Variants in EXOC6 observed in about 807,000 individuals in gnomAD.
The protein encoded by EXOC6 is SEC15-like 1.
EXOC6 carries 60 observed loss-of-function variants against 112.5 expected under a neutral mutation model. That is an observed-to-expected ratio of 0.53 (90% confidence interval 0.43 to 0.66). The LOEUF (loss-of-function observed/expected upper bound fraction) is 0.66, where lower values mean the gene tolerates loss of function less well. Ranked by LOEUF, EXOC6 falls within the 30% of genes least tolerant of loss-of-function variation. EXOC6 has a pLI of 0.00. For missense variants in EXOC6, 855 were observed against 957.1 expected (o/e 0.89, Z 1.41); for synonymous variants, 295 against 308.0 (o/e 0.96, Z 0.44).
chr10:92,914,940 A>G (rs1321392836), intron 6 of EXOC6, among the ~76,000 whole-genome samples: 1 of 152,254 alleles, frequency 6.6e-6, no homozygotes. Flanking sequence ...AAGTTCTGAT[A>G]GGGAAGTATT....
At chr10:92,862,338 C>CA (rs1367387607) in intron 1 of EXOC6, among the ~76,000 whole-genome samples, 5 of 151,998 alleles carry the variant, frequency 3.3e-5, no homozygotes, top group Non-Finnish European at 5.9e-5. Context: ...ATGCCCCCCC[C>CA]CCATAATTCA....
chr10:92,902,190 C>A (rs7085308), intron 5 of EXOC6, among the ~76,000 whole-genome samples: 34 of 151,736 alleles, frequency 2.2e-4, no homozygotes, highest in African/African-American at 8.0e-4. Flanking sequence ...CTGATGATGT[C>A]CTTTGATGTG....
chr10:92,951,834 A>C (rs1853435648), intron 14 of EXOC6, among the ~76,000 whole-genome samples: 1 of 152,218 alleles, frequency 6.6e-6, no homozygotes, highest in South Asian at 2.1e-4. Context: ...TTGAATTGGC[A>C]TCAAGCCTTC....
Position 92,952,326 on chromosome 10 carries a change from T to G in EXOC6, c.1470T>G (p.Ile490Met), listed in dbSNP as rs761815270. 4.0e-5 allele frequency: 65 copies of G among 1,613,020 alleles called. No homozygotes were observed. The highest frequency in any genetic ancestry group is 5.3e-5 in the Non-Finnish European group (63 of 1,179,394). Reference protein sequence around the residue: ...PMSQSVPHIYIQVKEFIYASL... With the variant: ...PMSQSVPHIYMQVKEFIYASL... ...CTCAGTCAGTGCCTCATATTTACAT[T>G]CAAGTTAAAGAATTTATTTATGCCA... Residue 490 changes from isoleucine to methionine, a missense_variant, in exon 15 of 22, where the codon ATT becomes ATG. Ile to Met is a conservative substitution (Grantham distance 10). Around this residue, in one of 2 missense-constraint regions of EXOC6, gnomAD observed 450 missense variants for 563.5 expected, o/e 0.80. Transcript: ENST00000260762.
chr10:92,991,175 C>T (rs856533), intron 18 of EXOC6, among the ~76,000 whole-genome samples: 1,544 of 150,508 alleles, frequency 0.01, 32 homozygotes, highest in African/African-American at 0.036. Flanking sequence ...TGGTGCCTCA[C>T]ACCTGTAATC....
intron 20 of EXOC6, among the ~76,000 whole-genome samples, chr10:93,038,569 G>A (rs1026042691): frequency 2.0e-5 from 3 of 152,214 alleles, no homozygotes; most frequent in South Asian, 2.1e-4. Context: ...TGAATGAGAC[G>A]TATATATACA....
intron 19 of EXOC6, among the ~76,000 whole-genome samples, chr10:93,005,165 G>A (rs1021868051): frequency 1.3e-5 from 2 of 152,138 alleles, no homozygotes; most frequent in African/African-American, 4.8e-5. Flanking sequence ...AAAGTATATG[G>A]TATGAGAATA....
At chr10:92,880,779 A>G (rs1415123552) in intron 1 of EXOC6, among the ~76,000 whole-genome samples, 1 of 152,128 alleles carries the variant, frequency 6.6e-6, no homozygotes, top group Non-Finnish European at 1.5e-5. Flanking sequence ...ATTGAAGCAT[A>G]TGGAGGGGGA....
intron 1 of EXOC6, among the ~76,000 whole-genome samples, chr10:92,850,459 G>T (rs1361928058): frequency 6.6e-6 from 1 of 152,052 alleles, no homozygotes; most frequent in Admixed American, 6.5e-5. Context: ...CATATAGAGG[G>T]TACTGCTAGC....
intron 18 of EXOC6, among the ~76,000 whole-genome samples, chr10:92,984,668 C>T (rs916642013): frequency 3.9e-5 from 6 of 152,084 alleles, no homozygotes; most frequent in Non-Finnish European, 5.9e-5. Flanking sequence ...TGTCTTCTGT[C>T]TTCATGCTTG....
At chr10:92,846,967 G>A (rs1486750825), upstream of EXOC6, among the ~76,000 whole-genome samples, 1 of 152,188 alleles carries the variant, frequency 6.6e-6, no homozygotes. Flanking sequence ...TCAGAGAGAT[G>A]TAATGCTGCT....
chr10:92,873,787 A>G (rs1282611675), intron 1 of EXOC6, among the ~76,000 whole-genome samples: 6 of 152,178 alleles, frequency 3.9e-5, no homozygotes, highest in Non-Finnish European at 7.3e-5. Flanking sequence ...ACGGTGGCTC[A>G]TGCCTGTAAT....
intron 8 of EXOC6, among the ~76,000 whole-genome samples, chr10:92,920,419 A>G (rs1851361845): frequency 6.6e-6 from 1 of 152,160 alleles, no homozygotes; most frequent in Non-Finnish European, 1.5e-5. Context: ...TCTAGTTCAC[A>G]TACGAAAAAA....
intron 1 of EXOC6, among the ~76,000 whole-genome samples, chr10:92,881,353 G>A (rs755265688): frequency 3.9e-5 from 6 of 152,178 alleles, no homozygotes; most frequent in Non-Finnish European, 7.3e-5. Context: ...CAGATTAAAG[G>A]AAGGGAGTGT....
intron 20 of EXOC6, among the ~76,000 whole-genome samples, chr10:93,019,752 T>A (rs573374789): frequency 6.6e-6 from 1 of 152,340 alleles, no homozygotes; most frequent in South Asian, 2.1e-4. Flanking sequence ...AAAATGTCAC[T>A]TTCTGGCAGG....
At position 92,919,854 on chromosome 10, in the gene EXOC6, A is replaced by G. The variant is rs1316456036; in HGVS notation, c.820-128A>G. On this transcript the variant is annotated intron_variant, in intron 7 of 21. Transcript: ENST00000260762. ...TTTGCGTTTATAGTGTATGCTTTCT[A>G]TGGGGGAATTGAATAAATGTTGTAA... The G allele has an allele frequency of 3.4e-5, 19 of 552,094 alleles. 2 individuals carry two copies. In the South Asian group the frequency reaches 4.4e-4, roughly 13 times the overall value. 34.2% of individuals were successfully genotyped at this position (552,094 alleles called of 1,614,324 possible).
intron 20 of EXOC6, among the ~76,000 whole-genome samples, chr10:93,042,170 C>T (rs924676700): frequency 2.0e-5 from 3 of 152,210 alleles, no homozygotes; most frequent in African/African-American, 7.2e-5. Context: ...GGCATTTCCC[C>T]ATAAGCATAA....
rs540240789 is a variant in EXOC6, at chr10:92,885,344, A to G, written c.102-8005A>G. ...TAAAATCTTTAGTGTGGCATAAGCC[A>G]TATTTGTTCTCTGTTCACATGAAGG... On this transcript the variant is annotated intron_variant, in intron 1 of 21. Transcript: ENST00000260762. Among the ~76,000 whole-genome samples, 434 of 151,568 alleles carry G rather than the reference A, an allele frequency of 2.9e-3. 2 individuals are homozygous for G. Among genetic ancestry groups the G allele is most frequent in the African/African-American group, 0.01 (416 of 41,306 alleles).
intron 1 of EXOC6, among the ~76,000 whole-genome samples, chr10:92,890,945 T>A (rs191121251): frequency 6.6e-6 from 1 of 152,168 alleles, no homozygotes; most frequent in Non-Finnish European, 1.5e-5. Flanking sequence ...ATCATCTGGC[T>A]GCTGTATTGA....
Sources: gnomAD v4.1 joint callset for allele counts (sites outside exome capture counted in the v4.1 genomes callset) on GRCh38, gnomAD v4.1.1 for gene constraint, gnomAD v4.1.1 regional missense constraint, MANE v1.5 for transcripts, NCBI Gene and HGNC (gene_info 2026-07-23, HGNC 2026-07-21) for gene names.